RORA: variants seen among roughly 807,000 people sequenced by gnomAD.
RORA encodes RAR related orphan receptor A.
A neutral mutation model predicts 69.5 loss-of-function variants in RORA; 7 were observed. The ratio of observed to expected loss-of-function variants is 0.10; its 90% CI spans 0.06 to 0.19. RORA has a LOEUF of 0.19. RORA is among the 10% of genes least tolerant of loss of function. The pLI, the probability that RORA is intolerant of heterozygous loss-of-function variation, is 1.00. For missense variants in RORA, 457 were observed against 663.0 expected (o/e 0.69, Z 3.41); for synonymous variants, 261 against 240.8 (o/e 1.08, Z -0.78).
At chr15:60,853,658 C>T (rs1595767581) in intron 1 of RORA, among the ~76,000 whole-genome samples, 2 of 152,192 alleles carry the variant, frequency 1.3e-5, no homozygotes, top group African/African-American at 4.8e-5. Flanking sequence ...GGGAGCTAGC[C>T]ATGTGGTTCC....
intron 1 of RORA, among the ~76,000 whole-genome samples, chr15:60,999,331 G>A (rs1894671572): frequency 6.6e-6 from 1 of 152,156 alleles, no homozygotes; most frequent in South Asian, 2.1e-4. Context: ...CAAAAGAACA[G>A]TGACAGGGAG....
intron 1 of RORA, among the ~76,000 whole-genome samples, chr15:60,708,840 C>G (rs2140805566): frequency 6.6e-6 from 1 of 152,288 alleles, no homozygotes; most frequent in South Asian, 2.1e-4. Context: ...GATCTATTCC[C>G]TAACAGAGCA....
At chr15:61,205,310 G>A (rs902946848) in intron 1 of RORA, among the ~76,000 whole-genome samples, 7 of 152,162 alleles carry the variant, frequency 4.6e-5, no homozygotes, top group Non-Finnish European at 8.8e-5. Context: ...TGGCGAGGGT[G>A]GGGGGCAATT....
rs756377620 is a variant in RORA, at chr15:60,905,447, T to C, written c.167-226761A>G. Among the ~76,000 whole-genome samples the C allele has an allele frequency of 2.0e-5, 3 of 152,184 alleles. No homozygotes were observed. Among genetic ancestry groups the C allele is most frequent in the Non-Finnish European group, 4.4e-5 (3 of 68,032 alleles). On this transcript the variant is annotated intron_variant, in intron 1 of 10. Transcript: ENST00000335670. This position sits in a 1 kb window ranked among gnomAD's most constrained non-coding sequence, Gnocchi z 4.8. ...TAAACAGGGACCACTGTGCTTCCTT[T>C]CAAGTGACAAGAGTTGTGACAGCTG... is the stretch of plus-strand genomic sequence containing the variant.
intron 2 of RORA, among the ~76,000 whole-genome samples, chr15:60,568,388 T>C (rs1037808746): frequency 2.6e-5 from 4 of 152,208 alleles, no homozygotes; most frequent in African/African-American, 4.8e-5. Context: ...AGCATGGCAG[T>C]GAAGGCTTTC....
intron 5 of RORA, among the ~76,000 whole-genome samples, chr15:60,506,435 C>A (rs1375717535): frequency 6.6e-6 from 1 of 152,144 alleles, no homozygotes. Context: ...GAAGTTTTCT[C>A]TAGGAGCTTG....
chr15:60,542,869 C>CCACA (rs1373860790), intron 2 of RORA, among the ~76,000 whole-genome samples: 1 of 149,606 alleles, frequency 6.7e-6, no homozygotes, highest in Non-Finnish European at 1.5e-5. Context: ...TACATACAGT[C>CCACA]CACACACACA....
intron 1 of RORA, among the ~76,000 whole-genome samples, chr15:60,937,661 G>GT (rs1156639860): frequency 6.6e-6 from 1 of 152,180 alleles, no homozygotes; most frequent in Non-Finnish European, 1.5e-5. Context: ...ACCAAAGACA[G>GT]TAAGGTGCAG....
At chr15:60,809,362 A>C (rs1439813435) in intron 1 of RORA, among the ~76,000 whole-genome samples, 2 of 152,176 alleles carry the variant, frequency 1.3e-5, no homozygotes, top group South Asian at 4.1e-4. Flanking sequence ...AAATTCATTT[A>C]TTTAAAGTTG....
At chr15:61,228,245 G>A (rs566612369) in intron 1 of RORA, among the ~76,000 whole-genome samples, 3 of 152,294 alleles carry the variant, frequency 2.0e-5, no homozygotes, top group African/African-American at 7.2e-5. Context: ...GGATGCGCGT[G>A]GAGCGCCCCA....
intron 1 of RORA, among the ~76,000 whole-genome samples, chr15:61,006,751 A>C (rs756763196): frequency 1.3e-5 from 2 of 152,100 alleles, no homozygotes; most frequent in African/African-American, 4.8e-5. Context: ...TGAAGAATGC[A>C]TTATCAGTGC....
rs114802517 is a variant in RORA at position 60,526,929 on chromosome 15, T to C, written c.282+4837A>G. Among the ~76,000 whole-genome samples, 389 of 152,380 alleles carry C rather than the reference T, an allele frequency of 2.6e-3. 2 individuals carry two copies. The highest frequency in any genetic ancestry group is 9.1e-3 in the African/African-American group (377 of 41,592). On this transcript the variant is annotated intron_variant, in intron 3 of 10. Transcript: ENST00000335670. The stretch of plus-strand genomic sequence containing the variant: ...CTTCAGTGGGGGAAGGTGTCACTTA[T>C]ATACTCTAGATATTTTTGAAAAGCC...
intron 1 of RORA, among the ~76,000 whole-genome samples, chr15:60,907,342 A>T (rs17204628): frequency 0.084 from 12,847 of 152,182 alleles, 670 homozygotes; most frequent in Non-Finnish European, 0.12. Context: ...TGGCCATTCC[A>T]TCTGTCACTT....
intron 1 of RORA, among the ~76,000 whole-genome samples, chr15:60,977,278 C>T (rs939796282): frequency 6.6e-6 from 1 of 152,084 alleles, no homozygotes; most frequent in Non-Finnish European, 1.5e-5. Flanking sequence ...TAAGATTAGA[C>T]AAGCAAGAAT....
chr15:60,497,528 C>A lies in RORA; in HGVS notation c.1499G>T (p.Arg500Leu). ...AFKAIYPDIV[R>L]LHFPPLYKEL... Reference sequence around the variant, plus strand: ...CTTGTATAATGGAGGAAAATGAAGTCGCACAATGTCTGGGTATATTGCTTT... The same window carrying A: ...CTTGTATAATGGAGGAAAATGAAGTAGCACAATGTCTGGGTATATTGCTTT... The change falls in exon 11 of 11, where the codon CGA becomes CTA. Residue 500 changes from arginine to leucine, a missense_variant. Physicochemically the swap from Arg to Leu is moderately radical, Grantham distance 102. Around this residue, in one of 3 missense-constraint regions of RORA, gnomAD observed 304 missense variants for 447.4 expected, o/e 0.68. Transcript: ENST00000335670. 6.2e-7 allele frequency: 1 copy of A among 1,613,880 alleles called. No individual in the cohort carries two copies. The highest frequency in any genetic ancestry group is 8.5e-7 in the Non-Finnish European group (1 of 1,179,816).
At chr15:61,137,088 AAAGAAAG>A (rs2079251971) in intron 1 of RORA, among the ~76,000 whole-genome samples, 1 of 150,258 alleles carries the variant, frequency 6.7e-6, no homozygotes, top group African/African-American at 2.5e-5. Context: ...AGAAAGAAAG[AAAGAAAG>A]AAAGAAAAAA....
Position 61,131,114 on chromosome 15 carries a change from TG to T in RORA, c.166+97938del, listed in dbSNP as rs1265979072. Among the ~76,000 whole-genome samples the T allele has an allele frequency of 6.6e-6, 1 of 151,596 alleles. No individual in the cohort carries two copies. Among genetic ancestry groups the T allele is most frequent in the Non-Finnish European group, 1.5e-5 (1 of 67,924 alleles). On this transcript the variant is annotated intron_variant, in intron 1 of 10. Transcript: ENST00000335670. The surrounding 1 kb of genome is among the most constrained non-coding windows in gnomAD (Gnocchi z 4.2). ...AGGCAAAACCCAAGTCACTCAAGAG[TG>T]GGAAGGATTAGCGTGCTATGGTTGG... is the stretch of plus-strand genomic sequence containing the variant.
chr15:60,814,669 C>T (rs1234827256), intron 1 of RORA, among the ~76,000 whole-genome samples: 1 of 152,126 alleles, frequency 6.6e-6, no homozygotes, highest in Admixed American at 6.5e-5. Context: ...GAGGAAGCTC[C>T]TGAAAATAGT....
intron 1 of RORA, among the ~76,000 whole-genome samples, chr15:61,064,188 G>A (rs2078225326): frequency 6.6e-6 from 1 of 152,176 alleles, no homozygotes; most frequent in Non-Finnish European, 1.5e-5. Flanking sequence ...GGGAGGGAGT[G>A]CCTGTGTGCA....
Sources: allele counts gnomAD v4.1 joint callset (sites outside exome capture counted in the v4.1 genomes callset), GRCh38; gene constraint gnomAD v4.1.1; regional missense constraint gnomAD v4.1.1; non-coding constraint Gnocchi (gnomAD v3.1); transcripts MANE v1.5; gene names NCBI Gene and HGNC (gene_info 2026-07-23, HGNC 2026-07-21).